The following SEMA3D variants were observed in gnomAD, a reference collection of about 807,000 sequenced individuals.
SEMA3D encodes the protein semaphorin-3D.
Under a neutral mutation model 100.1 loss-of-function variants are expected in SEMA3D, and 84 were observed. The observed-to-expected ratio is 0.84, with a 90% CI of 0.70 to 1.01. The LOEUF (loss-of-function observed/expected upper bound fraction) is 1.01. SEMA3D is among the 50% of genes least tolerant of loss of function. The probability of loss-of-function intolerance (pLI) is 0.00; values close to 1 mark genes in which losing one functional copy is unlikely to be tolerated. For synonymous variants in SEMA3D, 312 were observed against 320.7 expected, an observed-to-expected ratio of 0.97 and a Z score of 0.29; for missense variants, 875 against 934.1, an observed-to-expected ratio of 0.94 and a Z score of 0.82.
At chr7:85,031,805 T>C (rs1790558410) in intron 12 of SEMA3D, among the ~76,000 whole-genome samples, 1 of 151,950 alleles carries the variant, frequency 6.6e-6, no homozygotes, top group Non-Finnish European at 1.5e-5. Flanking sequence ...AGTAATGAGT[T>C]TGATCAAAAT....
the SEMA3D span, among the ~76,000 whole-genome samples, chr7:85,210,329 G>A: frequency 1.3e-5 from 2 of 151,996 alleles, no homozygotes; most frequent in African/African-American, 4.8e-5. Context: ...AAAGGTTATT[G>A]TTAAATTTTG....
the SEMA3D span, among the ~76,000 whole-genome samples, chr7:85,196,587 T>G: frequency 2.6e-5 from 4 of 152,128 alleles, no homozygotes; most frequent in Non-Finnish European, 5.9e-5. Context: ...ATGCAGAATA[T>G]GTAAAGGATT....
chr7:85,238,173 G>A, the SEMA3D span, among the ~76,000 whole-genome samples: 1 of 152,084 alleles, frequency 6.6e-6, no homozygotes, highest in Non-Finnish European at 1.5e-5. Context: ...TCCTTTATCA[G>A]ATGTACCTTA....
At chr7:85,142,706 C>T (rs1297097333) in intron 2 of SEMA3D, 11 of 974,684 alleles carry the variant, frequency 1.1e-5, no homozygotes, top group Non-Finnish European at 9.7e-6. Context: ...TGTCTAAAAA[C>T]CCCATCAATG....
At chr7:85,068,613 T>C (rs550287835) in intron 6 of SEMA3D, among the ~76,000 whole-genome samples, 3 of 152,306 alleles carry the variant, frequency 2.0e-5, no homozygotes, top group East Asian at 1.9e-4. Flanking sequence ...TGAGCTTTCA[T>C]GACTAACTTA....
chr7:85,098,188 A>G (rs1788628128), intron 3 of SEMA3D, among the ~76,000 whole-genome samples: 3 of 151,854 alleles, frequency 2.0e-5, no homozygotes, highest in Admixed American at 2.0e-4. Flanking sequence ...AAATGAATAC[A>G]TACAGCATAA....
At chr7:85,113,373 C>T (rs1483948044) in intron 3 of SEMA3D, among the ~76,000 whole-genome samples, 2 of 152,032 alleles carry the variant, frequency 1.3e-5, no homozygotes, top group Admixed American at 1.3e-4. Context: ...ATCAAACAAC[C>T]AAGCTCCTAT....
chr7:85,017,940 T>C (rs527531728), intron 15 of SEMA3D, among the ~76,000 whole-genome samples: 14 of 151,754 alleles, frequency 9.2e-5, no homozygotes, highest in Non-Finnish European at 1.5e-4. Context: ...TTTGTAATGG[T>C]TAGGGTTGAT....
chr7:85,039,701 G>A (rs370481437), intron 11 of SEMA3D, among the ~76,000 whole-genome samples: 22 of 152,106 alleles, frequency 1.4e-4, no homozygotes, highest in East Asian at 9.7e-4. Flanking sequence ...CTAATAGTCC[G>A]CTCCTCTTTG....
At chr7:85,200,932 G>T in the SEMA3D span, among the ~76,000 whole-genome samples, 2 of 152,160 alleles carry the variant, frequency 1.3e-5, no homozygotes, top group African/African-American at 4.8e-5. Context: ...CTAATACACA[G>T]TTGTATATGG....
chr7:85,154,418 C>T (rs890032168), intron 1 of SEMA3D, among the ~76,000 whole-genome samples: 1 of 151,928 alleles, frequency 6.6e-6, no homozygotes, highest in African/African-American at 2.4e-5. Context: ...AAATGGGCAG[C>T]GAATCATACT....
intron 2 of SEMA3D, chr7:85,151,544 C>T: frequency 1.4e-6 from 1 of 736,090 alleles, no homozygotes; most frequent in Non-Finnish European, 1.7e-6. Flanking sequence ...ATATATATTT[C>T]TATGCTGGTT....
chr7:85,076,419 G>A (rs1009695401), intron 5 of SEMA3D, among the ~76,000 whole-genome samples: 7 of 151,772 alleles, frequency 4.6e-5, no homozygotes, highest in Admixed American at 1.3e-4. Flanking sequence ...TACTTGCAGA[G>A]AAAAAAAGCA....
At chr7:85,212,963 T>G in the SEMA3D span, among the ~76,000 whole-genome samples, 1 of 152,000 alleles carries the variant, frequency 6.6e-6, no homozygotes, top group Non-Finnish European at 1.5e-5. Context: ...GCTTATTTTG[T>G]CAAATATTAA....
At chr7:85,218,807 T>C in the SEMA3D span, among the ~76,000 whole-genome samples, 2 of 152,148 alleles carry the variant, frequency 1.3e-5, no homozygotes, top group Admixed American at 6.6e-5. Flanking sequence ...TATTACAAGA[T>C]TTCAAAGCAA....
intron 2 of SEMA3D, chr7:85,141,282 T>C: frequency 1.0e-6 from 1 of 984,596 alleles, no homozygotes; most frequent in South Asian, 4.7e-5. Flanking sequence ...TTAAAATGCT[T>C]TAACCTCTTC....
the SEMA3D span, among the ~76,000 whole-genome samples, chr7:85,230,261 T>C: frequency 6.6e-6 from 1 of 152,184 alleles, no homozygotes; most frequent in African/African-American, 2.4e-5. Context: ...TGCCTCTGCT[T>C]ATGACCAGCC....
chr7:85,053,350 T>C (rs1791219494), intron 9 of SEMA3D, among the ~76,000 whole-genome samples: 1 of 151,980 alleles, frequency 6.6e-6, no homozygotes, highest in Non-Finnish European at 1.5e-5. Context: ...CATTCTGTTA[T>C]TACTTGTCAA....
intron 18 of SEMA3D, among the ~76,000 whole-genome samples, chr7:85,005,671 G>T (rs1789775896): frequency 6.6e-6 from 1 of 151,810 alleles, no homozygotes; most frequent in Non-Finnish European, 1.5e-5. Context: ...TTCACGTTTG[G>T]AGTGAGATTT....
Sources: allele counts gnomAD v4.1 joint callset (sites outside exome capture counted in the v4.1 genomes callset), GRCh38; gene constraint gnomAD v4.1.1; transcripts MANE v1.5; gene names NCBI Gene and HGNC (gene_info 2026-07-23, HGNC 2026-07-21).